The following RNGTT variants were observed in gnomAD, a reference collection of about 807,000 sequenced individuals.
The protein encoded by RNGTT is RNA guanylyltransferase and 5'-phosphatase, also known as mRNA-capping enzyme.
In RNGTT, 33 loss-of-function variants were observed where a neutral mutation model predicts 79.3. That is an observed-to-expected ratio of 0.42 (90% confidence interval 0.32 to 0.56). The LOEUF (loss-of-function observed/expected upper bound fraction) is 0.56. Among genes scored for constraint, RNGTT ranks in the 20% least tolerant of loss-of-function variants. The probability of loss-of-function intolerance (pLI) is 0.17; values close to 1 mark genes in which losing one functional copy is unlikely to be tolerated. For missense variants in RNGTT, 497 were observed against 739.1 expected (o/e 0.67, Z 3.80); for synonymous variants, 222 against 235.9 (o/e 0.94, Z 0.54).
In RNGTT at chr6:88,963,418, G is replaced by C; in HGVS notation, c.-9C>G. 8.9e-6 allele frequency: 14 copies of C among 1,577,230 alleles called. No individual in the cohort carries two copies. The highest frequency in any genetic ancestry group is 1.2e-5 in the Non-Finnish European group (14 of 1,158,740). ...ATCTTGTTGTGAGCCATGTCTTGGG[G>C]CTGCGCAGAGCTGCCCTCCCTCACC... is the stretch of plus-strand genomic sequence containing the variant. On this transcript the variant is annotated 5_prime_UTR_variant, in exon 1 of 16. Transcript: ENST00000369485.
intron 8 of RNGTT, among the ~76,000 whole-genome samples, chr6:88,857,379 T>C (rs1483422072): frequency 3.3e-5 from 5 of 152,126 alleles, no homozygotes; most frequent in Non-Finnish European, 7.4e-5. Flanking sequence ...ATTTATCTTA[T>C]ACTCTATGAA....
chr6:88,610,664 A>G lies in RNGTT; in HGVS notation c.*2055T>C, dbSNP rs1562146656. The G allele has an allele frequency of 6.6e-6, 1 of 152,242 alleles. No individual in the cohort carries two copies. The allele number at this position is 152,242 out of a possible 1,614,324, so 9.4% of individuals were successfully genotyped here. A position where few individuals can be genotyped will look rare whatever the true frequency, so the allele number is the denominator to read the frequency against. On this transcript the variant is annotated 3_prime_UTR_variant, in exon 16 of 16. Transcript: ENST00000369485. ...CAACTACTCTATGTCACTATAATTG[A>G]AAGGAAAGAATAAATTAAGAAAATT...
At chr6:88,832,682 C>T (rs1228022788) in intron 11 of RNGTT, among the ~76,000 whole-genome samples, 1 of 152,010 alleles carries the variant, frequency 6.6e-6, no homozygotes, top group South Asian at 2.1e-4. Flanking sequence ...ACAATCTATC[C>T]GTCTGACAAA....
intron 12 of RNGTT, among the ~76,000 whole-genome samples, chr6:88,777,484 A>G (rs761235220): frequency 3.9e-5 from 6 of 152,188 alleles, no homozygotes; most frequent in Non-Finnish European, 8.8e-5. Flanking sequence ...AACATGGAAT[A>G]TCTTTCTATT....
chr6:88,872,930 G>C (rs1268032896), intron 8 of RNGTT, among the ~76,000 whole-genome samples: 2 of 152,132 alleles, frequency 1.3e-5, no homozygotes, highest in Admixed American at 1.3e-4. Context: ...GACTGAAAAG[G>C]AGGGATTGGT....
intron 13 of RNGTT, among the ~76,000 whole-genome samples, chr6:88,765,247 T>C (rs867958287): frequency 1.3e-5 from 2 of 152,004 alleles, no homozygotes; most frequent in South Asian, 2.1e-4. Context: ...ATATTTTTTA[T>C]TAGAAGGACA....
chr6:88,658,366 C>T (rs1053463814), intron 14 of RNGTT, among the ~76,000 whole-genome samples: 9 of 152,318 alleles, frequency 5.9e-5, no homozygotes, highest in South Asian at 2.1e-4. Context: ...TCACCTTCAC[C>T]GGGGCAGGTG....
rs183766748 is a variant in RNGTT at position 88,648,584 on chromosome 6, A to G, written c.1506+29769T>C. 7.9e-5 allele frequency among the ~76,000 whole-genome samples: 12 copies of G among 152,258 alleles called. No homozygotes were observed. In the East Asian group the frequency reaches 2.3e-3, roughly 29 times the overall value. On this transcript the variant is annotated intron_variant, in intron 14 of 15. Transcript: ENST00000369485. Reference sequence around the variant, plus strand: ...TACCCAACTATGCCTCTTGTACCCCAGGCGAACAAAGCTCCACACTTTGCT... The same window carrying G: ...TACCCAACTATGCCTCTTGTACCCCGGGCGAACAAAGCTCCACACTTTGCT...
chr6:88,932,070 A>T (rs1425907947), intron 2 of RNGTT, among the ~76,000 whole-genome samples: 1 of 152,188 alleles, frequency 6.6e-6, no homozygotes, highest in Non-Finnish European at 1.5e-5. Flanking sequence ...AAAACAGGTA[A>T]GAGAAATATC....
intron 4 of RNGTT, among the ~76,000 whole-genome samples, chr6:88,913,065 C>T (rs1289868531): frequency 6.6e-6 from 1 of 151,890 alleles, no homozygotes; most frequent in Non-Finnish European, 1.5e-5. Context: ...ATTAGCCAGG[C>T]ATGGTGGCAC....
rs77023775 is a variant in RNGTT, at chr6:88,805,005, G to C, written c.1270-3373C>G. On this transcript the variant is annotated intron_variant, in intron 11 of 15. Coordinates refer to ENST00000369485, the MANE Select transcript of RNGTT (RefSeq NM_003800.5). ...TTGCTCTTTGAAGATACCTTTAAAA[G>C]GTTGGTTTAAGAAAAAGTTCCTCAT... 8.4e-4 allele frequency among the ~76,000 whole-genome samples: 128 copies of C among 152,264 alleles called. 1 individual carries two copies. Among genetic ancestry groups the C allele is most frequent in the African/African-American group, 3.0e-3 (126 of 41,552 alleles).
intron 8 of RNGTT, among the ~76,000 whole-genome samples, chr6:88,860,091 C>T (rs1195300180): frequency 1.3e-5 from 2 of 152,104 alleles, no homozygotes; most frequent in Non-Finnish European, 2.9e-5. Context: ...ATTATAAGGC[C>T]TCTGTAATAG....
chr6:88,890,282 G>T (rs1482607327), intron 8 of RNGTT, among the ~76,000 whole-genome samples: 1 of 152,130 alleles, frequency 6.6e-6, no homozygotes, highest in Non-Finnish European at 1.5e-5. Flanking sequence ...AACTAGCTAA[G>T]CTCTGAAACC....
At chr6:88,901,466 GA>G (rs915422214) in intron 6 of RNGTT, among the ~76,000 whole-genome samples, 2 of 118,892 alleles carry the variant, frequency 1.7e-5, no homozygotes, top group African/African-American at 3.3e-5. Context: ...CAAAGTGCTA[GA>G]AAAAAAATAA....
chr6:88,849,464 A>C (rs1781594295), intron 10 of RNGTT, among the ~76,000 whole-genome samples: 1 of 152,046 alleles, frequency 6.6e-6, no homozygotes, highest in Non-Finnish European at 1.5e-5. Context: ...GTACAGGATA[A>C]TTAAAATCAG....
intron 13 of RNGTT, among the ~76,000 whole-genome samples, chr6:88,723,053 T>G (rs1407151454): frequency 6.6e-6 from 1 of 152,220 alleles, no homozygotes; most frequent in East Asian, 1.9e-4. Flanking sequence ...CTTCTACTTA[T>G]TTAACAGCAA....
chr6:88,637,474 G>A lies in RNGTT; in HGVS notation c.1507-23079C>T, dbSNP rs544555728. ...GTAAAACATGGCTTTGAAACAGAAC[G>A]CTTTGATCTCAAAATGTCTCAAGTT... On this transcript the variant is annotated intron_variant, in intron 14 of 15. Coordinates refer to ENST00000369485, the MANE Select transcript of RNGTT (RefSeq NM_003800.5). Among the ~76,000 whole-genome samples, 9 of 152,120 alleles carry A rather than the reference G, an allele frequency of 5.9e-5. No homozygotes were observed. In the East Asian group the frequency reaches 1.2e-3, roughly 20 times the overall value.
chr6:88,677,826 TAA>T (rs1774932891), intron 14 of RNGTT, among the ~76,000 whole-genome samples: 1 of 152,084 alleles, frequency 6.6e-6, no homozygotes, highest in South Asian at 2.1e-4. Context: ...GATTAATCTC[TAA>T]ATGTACTCTT....
intron 9 of RNGTT, 115 bp from the exon 10 acceptor site, chr6:88,849,941 G>C: frequency 9.8e-7 from 1 of 1,021,426 alleles, no homozygotes; most frequent in South Asian, 2.9e-5. Flanking sequence ...ACAACTTGAT[G>C]AAATTTCAAA....
Sources: gnomAD v4.1 joint callset for allele counts (sites outside exome capture counted in the v4.1 genomes callset) on GRCh38, gnomAD v4.1.1 for gene constraint, MANE v1.5 for transcripts, NCBI Gene and HGNC (gene_info 2026-07-23, HGNC 2026-07-21) for gene names.